Variants in PCDHA1 observed in about 807,000 individuals in gnomAD.
The protein encoded by PCDHA1 is protocadherin alpha 1, also known as protocadherin alpha-1.
PCDHA1 carries 42 observed loss-of-function variants against 61.3 expected under a neutral mutation model. The ratio of observed to expected loss-of-function variants is 0.69; its 90% confidence interval spans 0.54 to 0.89. The LOEUF (loss-of-function observed/expected upper bound fraction) is 0.89. Ranked by LOEUF, PCDHA1 falls within the 40% of genes least tolerant of loss-of-function variation. The pLI, the probability that PCDHA1 is intolerant of heterozygous loss-of-function variation, is 0.00. For synonymous variants in PCDHA1, 610 were observed against 553.8 expected (o/e 1.10, Z -1.43); for missense variants, 1,256 against 1,235.3 (o/e 1.02, Z -0.25).
chr5:140,852,911 C>G lies in PCDHA1; in HGVS notation c.2394+64227C>G, dbSNP rs2150524968. ...TTTTTTTTTTTGAGTCAGAGTCTCG[C>G]TCTGTTGCCCAGGCTGGAGTGCAGT... On this transcript the variant is annotated intron_variant, in intron 1 of 3. Transcript: ENST00000504120. The G allele has an allele frequency of 3.8e-6, 3 of 791,732 alleles. 1 individual carries two copies. The South Asian group carries it at 1.7e-4, about 44-fold the overall frequency. The allele number at this position is 791,732 out of a possible 1,614,324, so 49.0% of individuals were successfully genotyped here. A position where few individuals can be genotyped will look rare whatever the true frequency, so the allele number is the denominator to read the frequency against.
intron 1 of PCDHA1, among the ~76,000 whole-genome samples, chr5:140,873,433 C>A (rs1404157271): frequency 2.0e-5 from 3 of 152,116 alleles, no homozygotes; most frequent in African/African-American, 7.2e-5. Context: ...TATTTTATAT[C>A]ACATAAATAA....
chr5:140,911,827 A>C (rs2075655305), intron 1 of PCDHA1, among the ~76,000 whole-genome samples: 1 of 152,162 alleles, frequency 6.6e-6, no homozygotes, highest in African/African-American at 2.4e-5. Context: ...GAAACCCCAA[A>C]ACCAATGAAA....
Position 140,836,319 on chromosome 5 carries a change from C to A in PCDHA1, c.2394+47635C>A, listed in dbSNP as rs2150257608. ...AGATGAGACGGACGCACCGCGCCAC[C>A]GCCTTCTGGTGCTTGTGAAGGACCA... On this transcript the variant is annotated intron_variant, in intron 1 of 3. Coordinates refer to ENST00000504120, the MANE Select transcript of PCDHA1 (RefSeq NM_018900.4). 3.7e-6 allele frequency: 6 copies of A among 1,613,720 alleles called. No homozygotes were observed. The South Asian group carries it at 4.4e-5, about 12-fold the overall frequency.
At chr5:140,985,127 C>T (rs986497777) in intron 3 of PCDHA1, among the ~76,000 whole-genome samples, 7 of 152,152 alleles carry the variant, frequency 4.6e-5, no homozygotes, top group Non-Finnish European at 1.0e-4. Flanking sequence ...TTAGTAAAGA[C>T]GGGGTTTCAC....
At chr5:140,853,918 C>T in intron 1 of PCDHA1, 3 of 938,954 alleles carry the variant, frequency 3.2e-6, no homozygotes, top group Non-Finnish European at 3.9e-6. Flanking sequence ...CCTGCAATCC[C>T]AACATTTTGG....
chr5:140,821,991 C>T lies in PCDHA1; in HGVS notation c.2394+33307C>T, dbSNP rs2150112767. On this transcript the variant is annotated intron_variant, in intron 1 of 3. Coordinates refer to ENST00000504120, the MANE Select transcript of PCDHA1 (RefSeq NM_018900.4). ...GGGTGGCGTCCAAGGGCCGCGGGGA[C>T]CTTCTGGAGGTAAATCTGCAGAATG... 1.9e-6 allele frequency: 3 copies of T among 1,614,126 alleles called. No individual in the cohort carries two copies. The South Asian group carries it at 3.3e-5, about 18-fold the overall frequency.
chr5:140,951,237 T>G (rs1405165070), intron 1 of PCDHA1, among the ~76,000 whole-genome samples: 2 of 152,200 alleles, frequency 1.3e-5, no homozygotes, highest in African/African-American at 4.8e-5. Flanking sequence ...GTCTTTACCT[T>G]TAGGAATGCA....
chr5:140,883,511 C>T (rs782295526), intron 1 of PCDHA1: 22 of 1,614,068 alleles, frequency 1.4e-5, no homozygotes, highest in Non-Finnish European at 1.8e-5. Flanking sequence ...CGCCCTGGAC[C>T]GCGAGAGCGT....
At chr5:140,797,091 C>T in intron 1 of PCDHA1, 1 of 1,613,986 alleles carries the variant, frequency 6.2e-7, no homozygotes, top group Non-Finnish European at 8.5e-7. Context: ...CGGTATCCAG[C>T]CTGTTGGTGC....
At chr5:140,917,370 C>T (rs571895312) in intron 1 of PCDHA1, among the ~76,000 whole-genome samples, 1 of 150,338 alleles carries the variant, frequency 6.7e-6, no homozygotes, top group Non-Finnish European at 1.5e-5. Context: ...CTATCTTGCT[C>T]CACCTCAATA....
intron 1 of PCDHA1, among the ~76,000 whole-genome samples, chr5:140,887,968 T>C (rs1434403033): frequency 6.6e-6 from 1 of 152,242 alleles, no homozygotes; most frequent in Non-Finnish European, 1.5e-5. Context: ...TTTGTCTCTT[T>C]TAAAATTTAT....
chr5:140,787,651 C>A lies in PCDHA1; in HGVS notation c.1361C>A (p.Ala454Glu). Residue 454 changes from alanine to glutamate, a missense_variant, in exon 1 of 4, where the codon GCG becomes GAG. Physicochemically the swap from Ala to Glu is moderately radical, Grantham distance 107. Coordinates refer to ENST00000504120, the MANE Select transcript of PCDHA1 (RefSeq NM_018900.4). ...EVADVNDNAP[A>E]FAQPEYTVFV... ...GCCGACGTGAATGACAACGCGCCTG[C>A]GTTCGCGCAGCCCGAGTACACAGTA... 2 of 1,614,018 alleles carry A rather than the reference C, an allele frequency of 1.2e-6. No homozygotes were observed. Among genetic ancestry groups the A allele is most frequent in the Non-Finnish European group, 1.7e-6 (2 of 1,179,972 alleles).
In PCDHA1 at chr5:140,937,565, T is replaced by C. The variant is rs528061401; in HGVS notation, c.2395-41384T>C. ...CTGCGAGGCAGAGGTTGCAGTGAGC[T>C]GGGATCGCGTCACTGCACTCTAGCC... On this transcript the variant is annotated intron_variant, in intron 1 of 3. Transcript: ENST00000504120. Among the ~76,000 whole-genome samples the C allele has an allele frequency of 1.9e-3, 290 of 151,276 alleles. 1 individual carries two copies. The highest frequency in any genetic ancestry group is 6.8e-3 in the African/African-American group (279 of 40,958).
chr5:140,922,926 T>C (rs1476173998), intron 1 of PCDHA1, among the ~76,000 whole-genome samples: 2 of 152,222 alleles, frequency 1.3e-5, no homozygotes, highest in African/African-American at 4.8e-5. Context: ...CTTCAGACTT[T>C]TACTTCCAGC....
At chr5:140,928,061 C>T (rs2084900711) in intron 1 of PCDHA1, 1 of 1,614,192 alleles carries the variant, frequency 6.2e-7, no homozygotes, top group African/African-American at 1.3e-5. Flanking sequence ...CTGACGGCTT[C>T]CTTTGACAAC....
At chr5:140,933,490 A>G (rs1554209400) in intron 1 of PCDHA1, among the ~76,000 whole-genome samples, 1 of 152,104 alleles carries the variant, frequency 6.6e-6, no homozygotes, top group African/African-American at 2.4e-5. Flanking sequence ...GTTATTCTTT[A>G]GAATTGTTAA....
chr5:140,794,753 T>C lies in PCDHA1; in HGVS notation c.2394+6069T>C, dbSNP rs1212865237. The stretch of plus-strand genomic sequence containing the variant: ...AACCAGAAAATCGACTAGTTTTAAA[T>C]CTACAGAATAAACAGTAGAGCCTTC... On this transcript the variant is annotated intron_variant, in intron 1 of 3. Transcript: ENST00000504120. 2 of 543,982 alleles carry C rather than the reference T, an allele frequency of 3.7e-6. 1 individual carries two copies. Among genetic ancestry groups the C allele is most frequent in the South Asian group, 7.5e-5 (2 of 26,806 alleles). The allele number at this position is 543,982 out of a possible 1,614,324, so 33.7% of individuals were successfully genotyped here. A position where few individuals can be genotyped will look rare whatever the true frequency, so the allele number is the denominator to read the frequency against.
At chr5:140,795,174 A>C (rs1554119284) in intron 1 of PCDHA1, 7 of 1,613,920 alleles carry the variant, frequency 4.3e-6, no homozygotes, top group African/African-American at 2.7e-5. Context: ...CGTCCAAAAG[A>C]CACGGGGACC....
chr5:140,982,917 C>T (rs2097016226), intron 3 of PCDHA1, among the ~76,000 whole-genome samples: 1 of 151,626 alleles, frequency 6.6e-6, no homozygotes, highest in Non-Finnish European at 1.5e-5. Context: ...ACAGAGATGA[C>T]ACTGTTAACA....
Sources: allele counts gnomAD v4.1 joint callset (sites outside exome capture counted in the v4.1 genomes callset), GRCh38; gene constraint gnomAD v4.1.1; transcripts MANE v1.5; gene names NCBI Gene and HGNC (gene_info 2026-07-23, HGNC 2026-07-21).